The following DHDDS variants were observed in gnomAD, a reference collection of about 807,000 sequenced individuals.
The protein encoded by DHDDS is dehydrodolichyl diphosphate synthase complex subunit DHDDS.
A neutral mutation model predicts 46.2 loss-of-function variants in DHDDS; 16 were observed. The ratio of observed to expected loss-of-function variants is 0.35; its 90% CI spans 0.23 to 0.53. The LOEUF (loss-of-function observed/expected upper bound fraction) is 0.53, where lower values mean the gene tolerates loss of function less well. Among genes scored for constraint, DHDDS ranks in the 20% least tolerant of loss-of-function variants. DHDDS has a pLI of 0.94. For synonymous variants in DHDDS, 151 were observed against 163.1 expected, an observed-to-expected ratio of 0.93 and a Z score of 0.56; for missense variants, 340 against 423.7, an observed-to-expected ratio of 0.80 and a Z score of 1.73.
intron 7 of DHDDS, 148 bp from the exon 8 acceptor site, chr1:26,459,889 C>T (rs867205550): frequency 1.7e-4 from 121 of 712,436 alleles, no homozygotes; most frequent in Middle Eastern, 1.3e-3. Context: ...GGGCCAGCAG[C>T]AGCTGCAGCT....
intron 4 of DHDDS, 154 bp downstream of exon 4, chr1:26,443,027 A>G: frequency 7.7e-7 from 1 of 1,304,348 alleles, no homozygotes; most frequent in Non-Finnish European, 1.0e-6. Flanking sequence ...GAAATACAAG[A>G]TAGTCTTTCA....
intron 8 of DHDDS, among the ~76,000 whole-genome samples, chr1:26,462,201 T>C (rs2075430696): frequency 6.6e-6 from 1 of 151,936 alleles, no homozygotes; most frequent in Admixed American, 6.6e-5. Context: ...TGTTATTTTT[T>C]GTAGAGATAA....
At position 26,469,709 on chromosome 1, in the gene DHDDS, A is replaced by G. The variant is rs2075533275; in HGVS notation, c.*578A>G. Reference sequence around the variant, plus strand: ...GAATCTCTACCCTCTCCCACCACACAGTACTGATTGCTCACTGAAAGACTC... The same window carrying G: ...GAATCTCTACCCTCTCCCACCACACGGTACTGATTGCTCACTGAAAGACTC... On this transcript the variant is annotated 3_prime_UTR_variant, in exon 9 of 9. Transcript: ENST00000236342. The G allele has an allele frequency of 5.6e-6, 1 of 179,562 alleles. No homozygotes were observed. The highest frequency in any genetic ancestry group is 1.2e-4 in the South Asian group (1 of 8,582). The allele number at this position is 179,562 out of a possible 1,614,324, so 11.1% of individuals were successfully genotyped here. A position where few individuals can be genotyped will look rare whatever the true frequency, so the allele number is the denominator to read the frequency against.
intron 2 of DHDDS, among the ~76,000 whole-genome samples, chr1:26,433,900 T>C (rs1288154899): frequency 6.6e-6 from 1 of 152,174 alleles, no homozygotes; most frequent in South Asian, 2.1e-4. Context: ...CACACATGGC[T>C]AATTTTTATA....
At chr1:26,438,955 G>C (rs893900948) in intron 3 of DHDDS, among the ~76,000 whole-genome samples, 1 of 152,212 alleles carries the variant, frequency 6.6e-6, no homozygotes, top group Non-Finnish European at 1.5e-5. Context: ...ATTTGTTTGA[G>C]ACAGTCTCAC....
chr1:26,454,936 G>A (rs1218214378), intron 6 of DHDDS: 3 of 1,602,254 alleles, frequency 1.9e-6, no homozygotes, highest in Non-Finnish European at 2.6e-6. Flanking sequence ...CACTCTTTTT[G>A]GGCCACTGAC....
chr1:26,468,803 C>G, intron 8 of DHDDS, 92 bp from the exon 9 acceptor site: 1 of 1,292,378 alleles, frequency 7.7e-7, no homozygotes, highest in Non-Finnish European at 1.1e-6. Flanking sequence ...TCACTTGGCC[C>G]ACCCTGTGCC....
rs147926785 is a variant in DHDDS at position 26,457,666 on chromosome 1, G to C, written c.543-125G>C. On this transcript the variant is annotated intron_variant, in intron 6 of 8. Coordinates refer to ENST00000236342, the MANE Select transcript of DHDDS (RefSeq NM_205861.3). ...TTTGAGGGCCTTCTGTGTAGTATTGGCTAGTGTATTTGATGGTATTGTATA... is the reference window on the plus strand; with the variant it reads ...TTTGAGGGCCTTCTGTGTAGTATTGCCTAGTGTATTTGATGGTATTGTATA... 1,628 of 749,710 alleles carry C rather than the reference G, an allele frequency of 2.2e-3. 8 individuals carry two copies. Among genetic ancestry groups the C allele is most frequent in the Non-Finnish European group, 3.2e-3 (1,338 of 419,412 alleles). The allele number at this position is 749,710 out of a possible 1,614,324, so 46.4% of individuals were successfully genotyped here.
intron 8 of DHDDS, among the ~76,000 whole-genome samples, chr1:26,465,987 AG>A (rs749958379): frequency 3.9e-5 from 6 of 152,198 alleles, no homozygotes; most frequent in Non-Finnish European, 8.8e-5. Flanking sequence ...AGAGTGGTAG[AG>A]GACTTTTAGA....
intron 6 of DHDDS, among the ~76,000 whole-genome samples, chr1:26,456,624 C>T (rs2075372530): frequency 6.6e-6 from 1 of 152,134 alleles, no homozygotes; most frequent in South Asian, 2.1e-4. Flanking sequence ...AACTCCTGAT[C>T]GCAGGTGATC....
chr1:26,443,111 G>A, intron 4 of DHDDS: 1 of 622,284 alleles, frequency 1.6e-6, no homozygotes, highest in African/African-American at 1.9e-5. Context: ...CATGATTTAA[G>A]AACAAGTACA....
chr1:26,459,791 T>C (rs1322382960), intron 7 of DHDDS, among the ~76,000 whole-genome samples: 2 of 152,236 alleles, frequency 1.3e-5, no homozygotes, highest in African/African-American at 4.8e-5. Context: ...GTGGAAATGT[T>C]GATCTAGTCT....
chr1:26,448,100 A>G (rs2075286639), intron 6 of DHDDS: 1 of 263,904 alleles, frequency 3.8e-6, no homozygotes, highest in African/African-American at 2.2e-5. Flanking sequence ...TGTTTTTCCA[A>G]GAATGACTTT....
At chr1:26,449,725 A>G (rs2075302187) in intron 6 of DHDDS, among the ~76,000 whole-genome samples, 1 of 151,046 alleles carries the variant, frequency 6.6e-6, no homozygotes, top group African/African-American at 2.4e-5. Context: ...TGCCCAGCTA[A>G]TTTTTGTATT....
rs145207396 is a variant in DHDDS at position 26,448,001 on chromosome 1, C to T, written c.542+341C>T. ...TGCTTCAGAACTAGAGTTCACCACA[C>T]ACCAAGAAACCCCAGAGAAAGAGCA... On this transcript the variant is annotated intron_variant, in intron 6 of 8. Transcript: ENST00000236342. The T allele has an allele frequency of 1.7e-3, 888 of 533,528 alleles. 6 individuals carry two copies. The highest frequency in any genetic ancestry group is 8.3e-3 in the Middle Eastern group (17 of 2,056). The allele number at this position is 533,528 out of a possible 1,614,324, so 33.0% of individuals were successfully genotyped here.
intron 6 of DHDDS, among the ~76,000 whole-genome samples, chr1:26,449,340 ATCTG>A (rs1253137857): frequency 6.6e-6 from 1 of 151,790 alleles, no homozygotes; most frequent in African/African-American, 2.4e-5. Flanking sequence ...ACCTCAAGTG[ATCTG>A]TCTGCCTCAG....
rs972240803 is a variant in DHDDS at position 26,470,917 on chromosome 1, C to A, written c.*1786C>A. 2 of 152,674 alleles carry A rather than the reference C, an allele frequency of 1.3e-5. No homozygotes were observed. The highest frequency in any genetic ancestry group is 4.8e-5 in the African/African-American group (2 of 41,412). 9.5% of individuals were successfully genotyped at this position (152,674 alleles called of 1,614,324 possible). A position where few individuals can be genotyped will look rare whatever the true frequency, so the allele number is the denominator to read the frequency against. On this transcript the variant is annotated 3_prime_UTR_variant, in exon 9 of 9. Transcript: ENST00000236342. ...TGAGCGTGGCTGTTGAGTCCTGTCT[C>A]CTGGGTCTGACTTTCCGTAATATGA...
At chr1:26,468,809 G>GT in intron 8 of DHDDS, 86 bp from the exon 9 acceptor site, 1,315 of 995,902 alleles carry the variant, frequency 1.3e-3, no homozygotes, top group Non-Finnish European at 1.6e-3. Flanking sequence ...GGCCCACCCT[G>GT]TGCCCCACCC....
chr1:26,445,234 AG>A (rs1279207822), intron 4 of DHDDS, among the ~76,000 whole-genome samples: 1 of 152,368 alleles, frequency 6.6e-6, no homozygotes, highest in East Asian at 1.9e-4. Context: ...TCTGGCATTT[AG>A]TAAACATAGA....
Sources: allele counts gnomAD v4.1 joint callset (sites outside exome capture counted in the v4.1 genomes callset), GRCh38; gene constraint gnomAD v4.1.1; transcripts MANE v1.5; gene names NCBI Gene and HGNC (gene_info 2026-07-23, HGNC 2026-07-21).